Variants in TGFBR1 observed in about 807,000 individuals in gnomAD.
The protein encoded by TGFBR1 is TGF-beta receptor type-1.
Under a neutral mutation model 55.1 loss-of-function variants are expected in TGFBR1, and 20 were observed. The observed-to-expected ratio is 0.36, with a 90% confidence interval of 0.26 to 0.53. The LOEUF (loss-of-function observed/expected upper bound fraction) is 0.53. Ranked by LOEUF, TGFBR1 falls within the 20% of genes least tolerant of loss-of-function variation. TGFBR1 has a pLI of 0.91. For missense variants in TGFBR1, 385 were observed against 617.6 expected, an observed-to-expected ratio of 0.62 and a Z score of 3.99; for synonymous variants, 220 against 214.8, an observed-to-expected ratio of 1.02 and a Z score of -0.21.
At chr9:99,128,747 TAGAAATTGTGTGATAATAGGATCA>T (rs1827117730) in intron 1 of TGFBR1, 84 bp from the exon 2 acceptor site, 1 of 1,449,674 alleles carries the variant, frequency 6.9e-7, no homozygotes, top group Non-Finnish European at 9.6e-7. Flanking sequence ...AAACAGTGCA[TAGAAATTGTGTGATAATAGGATCA>T]AGAATGTATT....
At chr9:99,127,073 A>T (rs1370723040) in intron 1 of TGFBR1, among the ~76,000 whole-genome samples, 2 of 152,112 alleles carry the variant, frequency 1.3e-5, no homozygotes, top group Non-Finnish European at 2.9e-5. Context: ...GACTCACAGG[A>T]CTCAGAAAAG....
At chr9:99,119,957 G>A (rs1826850756) in intron 1 of TGFBR1, among the ~76,000 whole-genome samples, 3 of 152,198 alleles carry the variant, frequency 2.0e-5, no homozygotes. Context: ...CTAGACCAGA[G>A]ACTGGCACGT....
At chr9:99,120,655 A>T (rs907497605) in intron 1 of TGFBR1, among the ~76,000 whole-genome samples, 1 of 152,178 alleles carries the variant, frequency 6.6e-6, no homozygotes, top group Non-Finnish European at 1.5e-5. Flanking sequence ...TTGTATTGTC[A>T]TTCACATAGG....
intron 1 of TGFBR1, 71 bp from the exon 2 acceptor site, chr9:99,128,784 T>C: frequency 6.4e-7 from 1 of 1,573,348 alleles, no homozygotes. Context: ...AATGTATTAT[T>C]AGAGTGAATA....
At chr9:99,109,060 A>G (rs978159174) in intron 1 of TGFBR1, among the ~76,000 whole-genome samples, 7 of 152,200 alleles carry the variant, frequency 4.6e-5, no homozygotes, top group African/African-American at 1.7e-4. Flanking sequence ...AAGGACTTGG[A>G]GGTGGGAGTG....
rs1011720347 is a variant in TGFBR1, at chr9:99,151,639, C to T, written c.*2334C>T. 1 of 228,758 alleles carries T rather than the reference C, an allele frequency of 4.4e-6. No homozygotes were observed. Among genetic ancestry groups the T allele is most frequent in the African/African-American group, 2.2e-5 (1 of 45,176 alleles). The allele number at this position is 228,758 out of a possible 1,614,324, so 14.2% of individuals were successfully genotyped here. A position where few individuals can be genotyped will look rare whatever the true frequency, so the allele number is the denominator to read the frequency against. ...TTGAGTTACAATTATACTTTTCTTA[C>T]CTAAGTGGATAAAATGTACTTTTGA... is the stretch of plus-strand genomic sequence containing the variant. On this transcript the variant is annotated 3_prime_UTR_variant, in exon 9 of 9. Coordinates refer to ENST00000374994, the MANE Select transcript of TGFBR1 (RefSeq NM_004612.4).
intron 3 of TGFBR1, among the ~76,000 whole-genome samples, chr9:99,137,594 G>A (rs1827476437): frequency 1.3e-5 from 2 of 152,140 alleles, no homozygotes. Flanking sequence ...CCGTACTTAA[G>A]GGATAGTCAA....
In TGFBR1 at chr9:99,151,189, T is replaced by C. The variant is rs1827969816; in HGVS notation, c.*1884T>C. 1 of 230,760 alleles carries C rather than the reference T, an allele frequency of 4.3e-6. No homozygotes were observed. Among genetic ancestry groups the C allele is most frequent in the Non-Finnish European group, 8.6e-6 (1 of 116,518 alleles). The allele number at this position is 230,760 out of a possible 1,614,324, so 14.3% of individuals were successfully genotyped here. On this transcript the variant is annotated 3_prime_UTR_variant, in exon 9 of 9. Coordinates refer to ENST00000374994, the MANE Select transcript of TGFBR1 (RefSeq NM_004612.4). ...ATATTACATAGGAATTTAGTGTCAA[T>C]TTCATGTGTTTAAAAACATCATGGG... is the stretch of plus-strand genomic sequence containing the variant.
chr9:99,142,225 G>C (rs1486409916), intron 4 of TGFBR1, among the ~76,000 whole-genome samples: 4 of 151,964 alleles, frequency 2.6e-5, no homozygotes, highest in Non-Finnish European at 5.9e-5. Flanking sequence ...GATTTTTCTA[G>C]GCACTTAAGA....
At chr9:99,148,366 G>A (rs963372023) in intron 8 of TGFBR1, among the ~76,000 whole-genome samples, 2 of 152,164 alleles carry the variant, frequency 1.3e-5, no homozygotes, top group South Asian at 2.1e-4. Context: ...TTTTAGAAAC[G>A]TTTTTGTAAT....
intron 1 of TGFBR1, among the ~76,000 whole-genome samples, chr9:99,108,370 C>T (rs543228240): frequency 5.3e-5 from 8 of 152,302 alleles, no homozygotes; most frequent in African/African-American, 1.7e-4. Context: ...TGTGTTGTTG[C>T]TAAAGAGCAG....
At chr9:99,144,276 G>A (rs1827720756) in intron 5 of TGFBR1, among the ~76,000 whole-genome samples, 1 of 152,096 alleles carries the variant, frequency 6.6e-6, no homozygotes, top group Admixed American at 6.6e-5. Context: ...GAAGGTTCCA[G>A]GTTTTCCACA....
At chr9:99,110,842 G>T (rs1315368739) in intron 1 of TGFBR1, among the ~76,000 whole-genome samples, 1 of 152,210 alleles carries the variant, frequency 6.6e-6, no homozygotes, top group African/African-American at 2.4e-5. Flanking sequence ...TTAATGAAAG[G>T]TGGAGCCTTC....
chr9:99,116,266 T>C (rs1052567460), intron 1 of TGFBR1, among the ~76,000 whole-genome samples: 2 of 151,704 alleles, frequency 1.3e-5, no homozygotes, highest in African/African-American at 4.8e-5. Flanking sequence ...TGCCTTACCA[T>C]GGGAGAAGGG....
intron 1 of TGFBR1, among the ~76,000 whole-genome samples, chr9:99,112,870 G>A (rs1826625820): frequency 6.6e-6 from 1 of 152,134 alleles, no homozygotes. Flanking sequence ...GTTGGAAATG[G>A]GAGAGCACCT....
At chr9:99,116,343 G>A (rs1826738748) in intron 1 of TGFBR1, among the ~76,000 whole-genome samples, 1 of 152,160 alleles carries the variant, frequency 6.6e-6, no homozygotes, top group South Asian at 2.1e-4. Flanking sequence ...ACTCTGCGAG[G>A]ACCAACAGGC....
At position 99,129,082 on chromosome 9, in the gene TGFBR1, A is replaced by G. The variant is rs1441006367; in HGVS notation, c.325A>G (p.Ile109Val). The G allele has an allele frequency of 6.2e-7, 1 of 1,613,980 alleles. No individual in the cohort carries two copies. The highest frequency in any genetic ancestry group is 1.1e-5 in the South Asian group (1 of 91,084). Residue 109 changes from isoleucine to valine, a missense_variant, in exon 2 of 9, where the codon ATA (isoleucine) becomes GTA (valine). Transcript: ENST00000374994. The part of the protein sequence containing the change: ...YCCNQDHCNK[I>V]ELPTTVKSSP... ...CTGCAATCAGGACCATTGCAATAAA[A>G]TAGAACTTCCAACTACTGGTAAGTT...
Position 99,105,316 on chromosome 9 carries a change from CGGCG to C in TGFBR1, c.97+23_97+26del, listed in dbSNP as rs886063221. On this transcript the variant is annotated intron_variant, in intron 1 of 8. Coordinates refer to ENST00000374994, the MANE Select transcript of TGFBR1 (RefSeq NM_004612.4). Reference sequence around the variant, plus strand: ...CGGGGGCGACGGGTGAGCGGCGGCGCGGCGGGCGGGCGACTGCGGGGCGCGCGGG... The same window carrying C: ...CGGGGGCGACGGGTGAGCGGCGGCGCGGCGGGCGACTGCGGGGCGCGCGGG... 1.0e-6 allele frequency: 1 copy of C among 981,680 alleles called. No individual in the cohort carries two copies. The highest frequency in any genetic ancestry group is 1.2e-6 in the Non-Finnish European group (1 of 829,142). 60.8% of individuals were successfully genotyped at this position (981,680 alleles called of 1,614,324 possible).
rs863223802 is a variant in TGFBR1 at position 99,105,225 on chromosome 9, C to G, written c.20C>G (p.Ala7Gly). The change falls in exon 1 of 9, where the codon GCT (alanine) becomes GGT (glycine). Residue 7 changes from alanine (A) to glycine (G), a missense_variant. Ala to Gly is a moderately conservative substitution (Grantham distance 60). Transcript: ENST00000374994. The stretch of plus-strand genomic sequence containing the variant: ...GGGACCATGGAGGCGGCGGTCGCTG[C>G]TCCGCGTCCCCGGCTGCTCCTCCTC... MEAAVA[A>G]PRPRLLLLVL... 2.8e-6 allele frequency: 3 copies of G among 1,076,616 alleles called. No homozygotes were observed. In the East Asian group the frequency reaches 1.7e-4, roughly 63 times the overall value. 66.7% of individuals were successfully genotyped at this position (1,076,616 alleles called of 1,614,324 possible).
Sources: allele counts gnomAD v4.1 joint callset (sites outside exome capture counted in the v4.1 genomes callset), GRCh38; gene constraint gnomAD v4.1.1; transcripts MANE v1.5; gene names NCBI Gene and HGNC (gene_info 2026-07-23, HGNC 2026-07-21).